The following CNIH3 variants were observed in gnomAD, a reference collection of about 807,000 sequenced individuals.
CNIH3 encodes the protein protein cornichon homolog 3.
CNIH3 carries 14 observed loss-of-function variants against 24.1 expected under a neutral mutation model. The observed-to-expected ratio is 0.58, with a 90% CI of 0.38 to 0.91. The LOEUF (loss-of-function observed/expected upper bound fraction) is 0.91, where lower values mean the gene tolerates loss of function less well. CNIH3 is among the 40% of genes least tolerant of loss of function. The pLI is 0.00. For synonymous variants in CNIH3, 68 were observed against 73.8 expected, an observed-to-expected ratio of 0.92 and a Z score of 0.40; for missense variants, 178 against 196.8, an observed-to-expected ratio of 0.90 and a Z score of 0.57.
chr1:224,640,843 G>C (rs553357502), intron 1 of CNIH3, among the ~76,000 whole-genome samples: 23 of 152,170 alleles, frequency 1.5e-4, no homozygotes, highest in Admixed American at 7.8e-4. Flanking sequence ...GGTCGTTAAG[G>C]GGCAGGGGCT....
intron 3 of CNIH3, among the ~76,000 whole-genome samples, chr1:224,690,713 G>C (rs1336708789): frequency 6.6e-6 from 1 of 152,208 alleles, no homozygotes; most frequent in African/African-American, 2.4e-5. Flanking sequence ...AGCTGTAGTG[G>C]GTGGATTATT....
At chr1:224,635,552 G>A (rs573155931) in intron 1 of CNIH3, among the ~76,000 whole-genome samples, 3 of 152,358 alleles carry the variant, frequency 2.0e-5, no homozygotes, top group Non-Finnish European at 2.9e-5. Flanking sequence ...AGTGCCGGGG[G>A]CTGTGCTAGG....
At chr1:224,466,628 A>G (rs1676162729) in intron 1 of CNIH3, among the ~76,000 whole-genome samples, 1 of 152,182 alleles carries the variant, frequency 6.6e-6, no homozygotes, top group Non-Finnish European at 1.5e-5. Context: ...CAAGGGTGCA[A>G]TTGCTGGGTT....
At chr1:224,510,076 C>T (rs948735678) in intron 1 of CNIH3, among the ~76,000 whole-genome samples, 9 of 151,714 alleles carry the variant, frequency 5.9e-5, no homozygotes, top group Admixed American at 1.3e-4. Flanking sequence ...GTGGCTCTAC[C>T]GCTGGCCTGC....
intron 2 of CNIH3, among the ~76,000 whole-genome samples, chr1:224,682,105 T>G (rs1051734554): frequency 3.3e-5 from 5 of 152,220 alleles, no homozygotes; most frequent in African/African-American, 9.6e-5. Context: ...TGAAGAAGGA[T>G]ATGCTTTTAG....
At chr1:224,719,413 T>C (rs1038448342) in intron 3 of CNIH3, among the ~76,000 whole-genome samples, 4 of 152,160 alleles carry the variant, frequency 2.6e-5, no homozygotes, top group African/African-American at 4.8e-5. Context: ...TTGCAAGTAC[T>C]AGAGAGTGAA....
At chr1:224,495,916 C>A (rs1471289507) in intron 1 of CNIH3, among the ~76,000 whole-genome samples, 1 of 152,152 alleles carries the variant, frequency 6.6e-6, no homozygotes, top group Non-Finnish European at 1.5e-5. Context: ...AGTGAGACCC[C>A]ATCTCTGCAA....
At chr1:224,470,122 C>T (rs1676310316) in intron 1 of CNIH3, among the ~76,000 whole-genome samples, 1 of 151,318 alleles carries the variant, frequency 6.6e-6, no homozygotes, top group Non-Finnish European at 1.5e-5. Context: ...GGGTTCATGC[C>T]ATTTTCCTGC....
At position 224,496,096 on chromosome 1, in the gene CNIH3, G is replaced by A. The variant is rs192854541; in HGVS notation, n.204-19645G>A. 5.2e-4 allele frequency among the ~76,000 whole-genome samples: 79 copies of A among 152,310 alleles called. 1 individual carries two copies. The highest frequency in any genetic ancestry group is 2.6e-4 in the Admixed American group (4 of 15,306). ...CAGCCCCTTGTCCTCCCAGCTGCACGAGTCTGTTGTCTCAGCCTCTCTGCC... is the reference window on the plus strand; with the variant it reads ...CAGCCCCTTGTCCTCCCAGCTGCACAAGTCTGTTGTCTCAGCCTCTCTGCC... On this transcript the variant is annotated intron_variant and non_coding_transcript_variant, in intron 1 of 5. Coordinates refer to the CNIH3 transcript ENST00000471578.
At chr1:224,538,913 C>T (rs1262056944), downstream of CNIH3, among the ~76,000 whole-genome samples, 2 of 150,402 alleles carry the variant, frequency 1.3e-5, no homozygotes, top group African/African-American at 4.9e-5. Context: ...AGTGATTCTC[C>T]TGCCTCAGTC....
chr1:224,482,318 G>A (rs1017083426), intron 1 of CNIH3, among the ~76,000 whole-genome samples: 8 of 151,908 alleles, frequency 5.3e-5, no homozygotes, highest in East Asian at 3.9e-4. Flanking sequence ...TTCTCTCCTC[G>A]TAGCGACCAC....
chr1:224,590,533 C>T (rs192648522), downstream of CNIH3, among the ~76,000 whole-genome samples: 10 of 152,180 alleles, frequency 6.6e-5, no homozygotes, highest in African/African-American at 2.4e-4. Flanking sequence ...AGCATAGCAC[C>T]AGCATCTGGT....
intron 3 of CNIH3, among the ~76,000 whole-genome samples, chr1:224,563,918 G>A (rs1171033384): frequency 1.3e-5 from 2 of 152,160 alleles, no homozygotes; most frequent in African/African-American, 2.4e-5. Flanking sequence ...GATCTCTGCT[G>A]CTGAGTGACA....
intron 1 of CNIH3, among the ~76,000 whole-genome samples, chr1:224,502,512 A>G (rs543041338): frequency 6.6e-6 from 1 of 152,330 alleles, no homozygotes; most frequent in African/African-American, 2.4e-5. Context: ...CCTGGCTTGC[A>G]TGAGCAGAAC....
chr1:224,685,024 G>A (rs1686586670), intron 3 of CNIH3, among the ~76,000 whole-genome samples, 181 bp downstream of exon 3: 1 of 152,212 alleles, frequency 6.6e-6, no homozygotes, highest in Non-Finnish European at 1.5e-5. Context: ...AGAGACAAGA[G>A]GAGCTAATTA....
intron 1 of CNIH3, among the ~76,000 whole-genome samples, chr1:224,519,156 T>C (rs557119732): frequency 6.6e-6 from 1 of 152,330 alleles, no homozygotes; most frequent in East Asian, 1.9e-4. Flanking sequence ...ATGCTGCTAA[T>C]AAACACATAC....
intron 3 of CNIH3, among the ~76,000 whole-genome samples, chr1:224,555,001 A>T (rs1471744725): frequency 1.3e-5 from 2 of 152,118 alleles, no homozygotes; most frequent in African/African-American, 4.8e-5. Context: ...GCACAATTTT[A>T]TATCAGGGAC....
chr1:224,588,965 CCT>C (rs137873943), downstream of CNIH3, among the ~76,000 whole-genome samples: 1,969 of 85,350 alleles, frequency 0.023, 58 homozygotes, highest in African/African-American at 0.092. Flanking sequence ...TTCCTGACCC[CCT>C]GTTTTTTTTT....
intron 3 of CNIH3, among the ~76,000 whole-genome samples, chr1:224,727,278 AAACAACAAC>A (rs145451304): frequency 3.3e-5 from 5 of 152,054 alleles, no homozygotes; most frequent in South Asian, 2.1e-4. Context: ...TGCTATGGCA[AAACAACAAC>A]AACAACAACA....
Sources: gnomAD v4.1 joint callset for allele counts (sites outside exome capture counted in the v4.1 genomes callset) on GRCh38, gnomAD v4.1.1 for gene constraint, MANE v1.5 for transcripts, NCBI Gene and HGNC (gene_info 2026-07-23, HGNC 2026-07-21) for gene names.